Variants in RABGAP1L observed in about 807,000 individuals in gnomAD.
The protein encoded by RABGAP1L is rab GTPase-activating protein 1-like.
RABGAP1L carries 63 observed loss-of-function variants against 137.7 expected under a neutral mutation model. That is an observed-to-expected ratio of 0.46 (90% CI 0.37 to 0.56). The LOEUF (loss-of-function observed/expected upper bound fraction) is 0.56, where lower values mean the gene tolerates loss of function less well. Ranked by LOEUF, RABGAP1L falls within the 20% of genes least tolerant of loss-of-function variation. RABGAP1L has a pLI of 0.00. For missense variants in RABGAP1L, 1,095 were observed against 1,244.0 expected, an observed-to-expected ratio of 0.88 and a Z score of 1.80; for synonymous variants, 431 against 433.7, an observed-to-expected ratio of 0.99 and a Z score of 0.08.
intron 17 of RABGAP1L, among the ~76,000 whole-genome samples, chr1:174,723,402 A>C (rs1681738710): frequency 6.6e-6 from 1 of 152,186 alleles, no homozygotes; most frequent in Non-Finnish European, 1.5e-5. Context: ...AAATTTTTTG[A>C]ATATTGGCAG....
intron 18 of RABGAP1L, among the ~76,000 whole-genome samples, chr1:174,804,311 C>G (rs1689059593): frequency 8.6e-6 from 1 of 115,880 alleles, no homozygotes; most frequent in African/African-American, 2.8e-5. Flanking sequence ...GTTTCAGTTA[C>G]CCAGGCTGGA....
intron 19 of RABGAP1L, among the ~76,000 whole-genome samples, chr1:174,832,567 T>G (rs1205562250): frequency 6.8e-6 from 1 of 147,926 alleles, no homozygotes; most frequent in South Asian, 2.2e-4. Context: ...AGGAACTAAG[T>G]GCTATGAGCA....
intron 13 of RABGAP1L, among the ~76,000 whole-genome samples, chr1:174,482,682 G>T (rs1659231270): frequency 6.6e-6 from 1 of 152,106 alleles, no homozygotes; most frequent in Non-Finnish European, 1.5e-5. Context: ...TCATCATGTT[G>T]CCCAGGCCGG....
At chr1:174,532,454 G>A (rs1047788325) in intron 13 of RABGAP1L, among the ~76,000 whole-genome samples, 3 of 151,972 alleles carry the variant, frequency 2.0e-5, no homozygotes, top group East Asian at 1.9e-4. Context: ...TGATCCACCC[G>A]CCTCGGCCTT....
chr1:174,385,256 TTCTGTGTGGCC>T (rs1411065255), intron 12 of RABGAP1L, among the ~76,000 whole-genome samples: 1 of 152,204 alleles, frequency 6.6e-6, no homozygotes, highest in Non-Finnish European at 1.5e-5. Context: ...TGCTTCTCTT[TTCTGTGTGGCC>T]TGAGAAAAAT....
chr1:174,829,848 T>C lies in RABGAP1L; in HGVS notation c.2340+17888T>C, dbSNP rs147504577. Among the ~76,000 whole-genome samples, 109 of 148,826 alleles carry C rather than the reference T, an allele frequency of 7.3e-4. 5 individuals are homozygous for C. The highest frequency in any genetic ancestry group is 2.4e-3 in the African/African-American group (100 of 40,864). On this transcript the variant is annotated intron_variant, in intron 19 of 25. Transcript: ENST00000681986. ...TTTATGCATTTCATAATTATCCATT[T>C]ATTTTCTTCATAAATTCAAAGACTG...
chr1:174,550,895 T>TAC (rs1395408033), intron 13 of RABGAP1L, among the ~76,000 whole-genome samples: 1,075 of 50,836 alleles, frequency 0.021, 31 homozygotes, highest in Non-Finnish European at 0.026. Flanking sequence ...TATATATATA[T>TAC]ACACACACAC....
At chr1:174,787,942 T>C (rs1192259324) in intron 18 of RABGAP1L, among the ~76,000 whole-genome samples, 1 of 152,170 alleles carries the variant, frequency 6.6e-6, no homozygotes, top group African/African-American at 2.4e-5. Context: ...GTCATTACTA[T>C]CCTCCACTTT....
intron 19 of RABGAP1L, among the ~76,000 whole-genome samples, chr1:174,919,630 G>A (rs1254116431): frequency 6.6e-6 from 1 of 152,124 alleles, no homozygotes; most frequent in Non-Finnish European, 1.5e-5. Context: ...AAGGTGGGAG[G>A]ATTGCTTGAA....
intron 13 of RABGAP1L, among the ~76,000 whole-genome samples, chr1:174,409,684 A>G (rs1464019217): frequency 6.6e-6 from 1 of 152,146 alleles, no homozygotes; most frequent in Non-Finnish European, 1.5e-5. Context: ...ACCCTGGGAA[A>G]GGAATGCATT....
chr1:174,463,651 T>TA (rs1286213004), intron 13 of RABGAP1L, among the ~76,000 whole-genome samples: 1 of 151,688 alleles, frequency 6.6e-6, no homozygotes, highest in Non-Finnish European at 1.5e-5. Flanking sequence ...CCCTAAAACT[T>TA]AAAGTATAAT....
chr1:174,256,844 C>T (rs1211940511), intron 7 of RABGAP1L, among the ~76,000 whole-genome samples: 1 of 152,074 alleles, frequency 6.6e-6, no homozygotes, highest in Non-Finnish European at 1.5e-5. Flanking sequence ...TCAAAATATC[C>T]TCCTTAATTT....
At chr1:174,497,739 T>C (rs1024255757) in intron 13 of RABGAP1L, among the ~76,000 whole-genome samples, 1 of 152,260 alleles carries the variant, frequency 6.6e-6, no homozygotes, top group Non-Finnish European at 1.5e-5. Flanking sequence ...CAACAAAGAC[T>C]GCTTATAAAG....
At position 174,362,010 on chromosome 1, in the gene RABGAP1L, C is replaced by T. The variant is rs533953629; in HGVS notation, c.1466-8969C>T. 3.9e-5 allele frequency among the ~76,000 whole-genome samples: 6 copies of T among 152,318 alleles called. No homozygotes were observed. The South Asian group carries it at 8.3e-4, about 21-fold the overall frequency. ...CCATGTGTTCTCACCATTCAGCTCC[C>T]ACTTACAAGTGAGAACATGCACTAT... On this transcript the variant is annotated intron_variant, in intron 11 of 25. Coordinates refer to ENST00000681986, the MANE Select transcript of RABGAP1L (RefSeq NM_001366446.1).
At chr1:174,541,856 GT>G (rs1200217365) in intron 13 of RABGAP1L, among the ~76,000 whole-genome samples, 1 of 152,156 alleles carries the variant, frequency 6.6e-6, no homozygotes, top group Non-Finnish European at 1.5e-5. Context: ...ATAATCATCT[GT>G]TTTTTGTCTT....
At chr1:174,621,551 A>T (rs554620885) in intron 13 of RABGAP1L, among the ~76,000 whole-genome samples, 1 of 152,222 alleles carries the variant, frequency 6.6e-6, no homozygotes, top group Non-Finnish European at 1.5e-5. Context: ...GTAACACGGC[A>T]TATCTAAACC....
chr1:174,953,463 C>A (rs1668041946), intron 19 of RABGAP1L, among the ~76,000 whole-genome samples: 1 of 152,190 alleles, frequency 6.6e-6, no homozygotes, highest in Admixed American at 6.5e-5. Flanking sequence ...TAACCACTCC[C>A]CTTTGCCTTA....
chr1:174,200,556 T>C (rs1668024176), intron 1 of RABGAP1L, among the ~76,000 whole-genome samples: 1 of 152,226 alleles, frequency 6.6e-6, no homozygotes, highest in African/African-American at 2.4e-5. Context: ...GGGGAGATTG[T>C]TGAAACTGCT....
chr1:174,849,253 C>G (rs565088139), intron 19 of RABGAP1L, among the ~76,000 whole-genome samples: 88 of 152,198 alleles, frequency 5.8e-4, no homozygotes, highest in African/African-American at 2.0e-3. Context: ...GAAAATGTCA[C>G]AGTCTTAAGA....
Sources: gnomAD v4.1 joint callset for allele counts (sites outside exome capture counted in the v4.1 genomes callset) on GRCh38, gnomAD v4.1.1 for gene constraint, MANE v1.5 for transcripts, NCBI Gene and HGNC (gene_info 2026-07-23, HGNC 2026-07-21) for gene names.